Variants in B3GLCT observed in about 807,000 individuals in gnomAD.
B3GLCT encodes beta-1,3-glucosyltransferase.
B3GLCT carries 65 observed loss-of-function variants against 63.4 expected under a neutral mutation model. That is an observed-to-expected ratio of 1.03 (90% CI 0.84 to 1.26). The LOEUF (loss-of-function observed/expected upper bound fraction) is 1.26, where lower values mean the gene tolerates loss of function less well. Among genes scored for constraint, B3GLCT ranks in the 50% most tolerant of loss-of-function variants. B3GLCT has a pLI of 0.00. For synonymous variants in B3GLCT, 233 were observed against 219.2 expected (o/e 1.06, Z -0.55); for missense variants, 577 against 604.8 (o/e 0.95, Z 0.48).
chr13:31,245,503 ATTTTGTTTTATT>A (rs1871157014), intron 4 of B3GLCT, among the ~76,000 whole-genome samples: 1 of 151,994 alleles, frequency 6.6e-6, no homozygotes, highest in Admixed American at 6.6e-5. Context: ...TTCATCTAGG[ATTTTGTTTTATT>A]CTTGGAATCA....
intron 4 of B3GLCT, among the ~76,000 whole-genome samples, chr13:31,241,309 G>C (rs552537430): frequency 1.3e-5 from 2 of 152,222 alleles, no homozygotes; most frequent in African/African-American, 4.8e-5. Context: ...TGTTGGATGA[G>C]TATGGAGCTG....
At chr13:31,275,647 G>A (rs1026710474) in intron 9 of B3GLCT, among the ~76,000 whole-genome samples, 1 of 152,092 alleles carries the variant, frequency 6.6e-6, no homozygotes, top group Non-Finnish European at 1.5e-5. Flanking sequence ...GTATGAGCCT[G>A]GAGACCCTGA....
intron 6 of B3GLCT, 142 bp downstream of exon 6, chr13:31,248,108 G>C: frequency 1.6e-6 from 1 of 617,214 alleles, no homozygotes; most frequent in Non-Finnish European, 2.9e-6. Context: ...GAATATCTGA[G>C]ATATGTTAAG....
chr13:31,208,091 T>C (rs563342350), intron 1 of B3GLCT, among the ~76,000 whole-genome samples: 3 of 152,276 alleles, frequency 2.0e-5, no homozygotes, highest in South Asian at 2.1e-4. Flanking sequence ...TTTGTCTTTG[T>C]ACTTTGTACT....
intron 6 of B3GLCT, among the ~76,000 whole-genome samples, chr13:31,253,015 T>C (rs1248851974): frequency 6.6e-6 from 1 of 152,172 alleles, no homozygotes; most frequent in Non-Finnish European, 1.5e-5. Flanking sequence ...AAACAGTCTC[T>C]CAGACCACAG....
intron 1 of B3GLCT, among the ~76,000 whole-genome samples, chr13:31,208,628 C>CG (rs970974260): frequency 8.1e-6 from 1 of 123,464 alleles, no homozygotes; most frequent in Non-Finnish European, 1.6e-5. Flanking sequence ...GGCCCCCCCC[C>CG]CCCGCTCACT....
intron 2 of B3GLCT, among the ~76,000 whole-genome samples, chr13:31,221,198 T>A (rs948709825): frequency 2.6e-5 from 4 of 152,252 alleles, no homozygotes; most frequent in African/African-American, 9.6e-5. Flanking sequence ...TCTCCAATGC[T>A]GTTTTTAGAT....
chr13:31,241,417 G>C (rs1400180371), intron 4 of B3GLCT, among the ~76,000 whole-genome samples: 2 of 152,258 alleles, frequency 1.3e-5, no homozygotes, highest in East Asian at 3.9e-4. Flanking sequence ...CAAGTGTGCA[G>C]AGGAGGTGGG....
rs200376294 is a variant in B3GLCT, at chr13:31,247,067, A to G, written c.315A>G (p.Glu105=). The G allele has an allele frequency of 7.7e-5, 125 of 1,613,586 alleles. 2 individuals are homozygous for G. The East Asian group carries it at 1.6e-3, about 21-fold the overall frequency. The change falls in exon 5 of 15, where the codon GAA becomes GAG. Residue 105 remains glutamate (E), a synonymous_variant. Coordinates refer to ENST00000343307, the MANE Select transcript of B3GLCT (RefSeq NM_194318.4). ...TCCTTCATCAGCTGGCTAAACAAGAAGGTGCATGGACCATACTTCCGTTGT... is the reference window on the plus strand; with the variant it reads ...TCCTTCATCAGCTGGCTAAACAAGAGGGTGCATGGACCATACTTCCGTTGT... ...VLLLHQLAKQ[E]GAWTILPLLP...
At position 31,274,548 on chromosome 13, in the gene B3GLCT, C is replaced by G; in HGVS notation, c.700C>G (p.Leu234Val). The G allele has an allele frequency of 1.2e-6, 2 of 1,614,208 alleles. No individual in the cohort carries two copies. The highest frequency in any genetic ancestry group is 1.7e-6 in the Non-Finnish European group (2 of 1,180,034). Residue 234 changes from leucine (L) to valine (V), a missense_variant, in exon 9 of 15, where the codon CTG (leucine) becomes GTG (valine). Transcript: ENST00000343307. ...YIWDKGGGPP[L>V]TPVPEFCTND... ...CTGGGACAAAGGCGGAGGACCTCCCCTGACCCCAGTGCCTGAGTTTTGTAC... is the reference window on the plus strand; with the variant it reads ...CTGGGACAAAGGCGGAGGACCTCCCGTGACCCCAGTGCCTGAGTTTTGTAC...
At position 31,250,278 on chromosome 13, in the gene B3GLCT, A is replaced by G. The variant is rs148744928; in HGVS notation, c.459+2312A>G. 2.2e-3 allele frequency among the ~76,000 whole-genome samples: 342 copies of G among 152,290 alleles called. 2 individuals are homozygous for G. Among genetic ancestry groups the G allele is most frequent in the African/African-American group, 8.0e-3 (334 of 41,564 alleles). ...AACCTCCACCTCCCAGGTTCAATCA[A>G]TTCTTGTGCCTCAGCCTCCCAAGTA... On this transcript the variant is annotated intron_variant, in intron 6 of 14. Transcript: ENST00000343307.
At chr13:31,319,265 C>T (rs1380590507) in intron 13 of B3GLCT, among the ~76,000 whole-genome samples, 2 of 152,226 alleles carry the variant, frequency 1.3e-5, no homozygotes, top group Non-Finnish European at 2.9e-5. Context: ...TTCCCACCAC[C>T]TCTAGTTTTT....
intron 1 of B3GLCT, among the ~76,000 whole-genome samples, chr13:31,210,247 A>G (rs762264944): frequency 5.3e-5 from 8 of 152,190 alleles, no homozygotes; most frequent in African/African-American, 9.7e-5. Flanking sequence ...ACCAGAATTC[A>G]TGTTGAAAAT....
chr13:31,329,685 C>CG lies in B3GLCT; in HGVS notation c.*18dup. 1 of 1,613,760 alleles carries CG rather than the reference C, an allele frequency of 6.2e-7. No individual in the cohort carries two copies. The highest frequency in any genetic ancestry group is 8.5e-7 in the Non-Finnish European group (1 of 1,179,808). On this transcript the variant is annotated 3_prime_UTR_variant, in exon 15 of 15. Transcript: ENST00000343307. ...GAGTTATAAATCAGGGTGACCTGTGCGCCTAGCCTGCGCAGGGAATGAACT... is the reference window on the plus strand; with the variant it reads ...GAGTTATAAATCAGGGTGACCTGTGCGGCCTAGCCTGCGCAGGGAATGAACT...
At chr13:31,287,380 A>T (rs1003017941) in intron 12 of B3GLCT, among the ~76,000 whole-genome samples, 1 of 151,630 alleles carries the variant, frequency 6.6e-6, no homozygotes, top group Non-Finnish European at 1.5e-5. Context: ...GGGCTGGAAA[A>T]CCCCTGTTCA....
At chr13:31,204,660 A>C (rs1056897197) in intron 1 of B3GLCT, among the ~76,000 whole-genome samples, 6 of 152,160 alleles carry the variant, frequency 3.9e-5, no homozygotes, top group Admixed American at 6.5e-5. Flanking sequence ...GTAGTGGGGC[A>C]GTATGTGATA....
chr13:31,313,343 G>C (rs1874821221), intron 12 of B3GLCT, among the ~76,000 whole-genome samples: 1 of 152,216 alleles, frequency 6.6e-6, no homozygotes, highest in Non-Finnish European at 1.5e-5. Flanking sequence ...TTAGCCTAGA[G>C]ACTTGTTGAA....
intron 4 of B3GLCT, among the ~76,000 whole-genome samples, chr13:31,236,756 AT>A (rs1044049761): frequency 1.3e-5 from 2 of 152,220 alleles, no homozygotes; most frequent in Non-Finnish European, 2.9e-5. Context: ...ATTCTGGATC[AT>A]TTTTTCTTTT....
At chr13:31,310,369 G>A (rs551683810) in intron 12 of B3GLCT, among the ~76,000 whole-genome samples, 32 of 152,310 alleles carry the variant, frequency 2.1e-4, no homozygotes, top group South Asian at 1.2e-3. Context: ...TCTTGGATGT[G>A]GGACAAGAAC....
Sources: gnomAD v4.1 joint callset for allele counts (sites outside exome capture counted in the v4.1 genomes callset) on GRCh38, gnomAD v4.1.1 for gene constraint, MANE v1.5 for transcripts, NCBI Gene and HGNC (gene_info 2026-07-23, HGNC 2026-07-21) for gene names.